Variants in SSX2IP observed in about 807,000 individuals in gnomAD.
SSX2IP encodes the protein afadin- and alpha-actinin-binding protein.
In SSX2IP, 55 loss-of-function variants were observed where a neutral mutation model predicts 84.9. That is an observed-to-expected ratio of 0.65 (90% CI 0.52 to 0.81). The LOEUF (loss-of-function observed/expected upper bound fraction) is 0.81, where lower values mean the gene tolerates loss of function less well. Ranked by LOEUF, SSX2IP falls within the 30% of genes least tolerant of loss-of-function variation. The pLI, the probability that SSX2IP is intolerant of heterozygous loss-of-function variation, is 0.00. For missense variants in SSX2IP, 664 were observed against 705.2 expected, an observed-to-expected ratio of 0.94 and a Z score of 0.66; for synonymous variants, 239 against 234.7, an observed-to-expected ratio of 1.02 and a Z score of -0.17.
chr1:84,649,167 G>T (rs556715664), intron 13 of SSX2IP, among the ~76,000 whole-genome samples: 1 of 152,262 alleles, frequency 6.6e-6, no homozygotes, highest in South Asian at 2.1e-4. Flanking sequence ...AGCAGAGTGG[G>T]ATTATATATG....
chr1:84,665,228 C>T (rs557120710), intron 5 of SSX2IP, among the ~76,000 whole-genome samples: 2 of 152,230 alleles, frequency 1.3e-5, no homozygotes, highest in East Asian at 3.9e-4. Context: ...GTATTCAAAC[C>T]GTTTAAATAT....
intron 11 of SSX2IP, 134 bp from the exon 12 acceptor site, chr1:84,652,131 C>T (rs1557467272): frequency 3.2e-6 from 2 of 623,390 alleles, no homozygotes; most frequent in East Asian, 5.6e-5. Context: ...ATGAGTTAAC[C>T]TAAAAAACTA....
chr1:84,650,804 A>T (rs1483534619), intron 12 of SSX2IP, among the ~76,000 whole-genome samples: 1 of 151,796 alleles, frequency 6.6e-6, no homozygotes, highest in Non-Finnish European at 1.5e-5. Flanking sequence ...TCCTGGGTTC[A>T]CGCCATTCTC....
rs1650047837 is a variant in SSX2IP at position 84,650,415 on chromosome 1, A to G, written c.1617T>C (p.Ala539=). The stretch of plus-strand genomic sequence containing the variant: ...GGCAAAAGTCTGAAGTGGAAGGTGA[A>G]GCAGGAAGAGATTTAGTAAGTTTAG... ...CMSKLTKSLP[A]SPSTSDFCQT... Residue 539 remains alanine (A), a synonymous_variant, in exon 13 of 14, where the codon GCT becomes GCC. Transcript: ENST00000342203. 1.2e-6 allele frequency: 2 copies of G among 1,614,200 alleles called. No individual in the cohort carries two copies. The highest frequency in any genetic ancestry group is 1.7e-6 in the Non-Finnish European group (2 of 1,180,032).
At chr1:84,679,052 C>CTGTTGGGTTAAGAAGATAAAACTAAG (rs1315985225) in intron 1 of SSX2IP, among the ~76,000 whole-genome samples, 2 of 152,194 alleles carry the variant, frequency 1.3e-5, no homozygotes, top group South Asian at 4.1e-4. Flanking sequence ...AGTTACCACA[C>CTGTTGGGTTAAGAAGATAAAACTAAG]TGTTGGGTTA....
chr1:84,662,301 G>C lies in SSX2IP; in HGVS notation c.824C>G (p.Ala275Gly). 1 of 1,607,838 alleles carries C rather than the reference G, an allele frequency of 6.2e-7. No homozygotes were observed. Among genetic ancestry groups the C allele is most frequent in the Non-Finnish European group, 8.5e-7 (1 of 1,175,982 alleles). The change falls in exon 8 of 14, where the codon GCA (alanine) becomes GGA (glycine). Residue 275 changes from alanine (A) to glycine (G), a missense_variant. Physicochemically the swap from Ala to Gly is moderately conservative, Grantham distance 60. Transcript: ENST00000342203. ...TTGTTGAAGAACCTTCTTAAGTTCT[G>C]CATTTTCCATTAGGATTTGTTTCTG... ...YRQKQILMEN[A>G]ELKKVLQQMK... is the part of the protein sequence containing the mutation.
chr1:84,655,646 C>A, intron 11 of SSX2IP, 186 bp downstream of exon 11: 1 of 1,512,620 alleles, frequency 6.6e-7, no homozygotes, highest in Non-Finnish European at 8.8e-7. Flanking sequence ...ATTCTCAAAT[C>A]TGGTAAGGGG....
At position 84,666,380 on chromosome 1, in the gene SSX2IP, G is replaced by C. The variant is rs1652781348; in HGVS notation, c.427-148C>G. 3.8e-5 allele frequency: 23 copies of C among 613,294 alleles called. 1 individual carries two copies. The South Asian group carries it at 4.6e-4, about 12-fold the overall frequency. The allele number at this position is 613,294 out of a possible 1,614,324, so 38.0% of individuals were successfully genotyped here. ...TGGCACATGAAATGTTTATTTAAAG[G>C]AATTATTACAAAGCACACTATAAAA... On this transcript the variant is annotated intron_variant, in intron 4 of 13. Transcript: ENST00000342203.
chr1:84,661,577 A>G (rs1341493177), intron 8 of SSX2IP, among the ~76,000 whole-genome samples: 1 of 152,120 alleles, frequency 6.6e-6, no homozygotes, highest in Non-Finnish European at 1.5e-5. Context: ...GTCTTTCCCA[A>G]AAAGAGCTTC....
chr1:84,685,505 A>C (rs1472662426), intron 1 of SSX2IP, among the ~76,000 whole-genome samples: 2 of 152,252 alleles, frequency 1.3e-5, no homozygotes, highest in Non-Finnish European at 2.9e-5. Context: ...CCTAGGAAGG[A>C]GTAAAGATAG....
In SSX2IP at chr1:84,669,669, T is replaced by G. The variant is rs1015618410; in HGVS notation, c.426+12A>C. 3.7e-6 allele frequency: 6 copies of G among 1,604,790 alleles called. No homozygotes were observed. In the African/African-American group the frequency reaches 6.7e-5, roughly 18 times the overall value. On this transcript the variant is annotated intron_variant, in intron 4 of 13. Transcript: ENST00000342203. ...TAATTATGGCATTAAAATATGGATCTGCAATTTCTACCTTAAGTTTTGAGT... is the reference window on the plus strand; with the variant it reads ...TAATTATGGCATTAAAATATGGATCGGCAATTTCTACCTTAAGTTTTGAGT...
At chr1:84,686,191 A>AT (rs1007209265) in intron 1 of SSX2IP, among the ~76,000 whole-genome samples, 75 of 152,292 alleles carry the variant, frequency 4.9e-4, no homozygotes, top group African/African-American at 1.7e-3. Context: ...AATTTTTAAA[A>AT]TTTTTTTACA....
At chr1:84,662,622 G>C (rs11164033) in intron 6 of SSX2IP, 92 bp from the exon 7 acceptor site, 842,145 of 1,374,584 alleles carry the variant, frequency 0.61, 263,885 homozygotes, top group East Asian at 0.75. Context: ...TGGTGAAAGT[G>C]AACCTGGTAT....
At position 84,647,588 on chromosome 1, in the gene SSX2IP, T is replaced by C; in HGVS notation, c.1690A>G (p.Ile564Val). ...TTTGGTTTAATTTCTTCAGCAGTTATATTCAGTACATTGATTGAACTGTTG... is the reference window on the plus strand; with the variant it reads ...TTTGGTTTAATTTCTTCAGCAGTTACATTCAGTACATTGATTGAACTGTTG... ...SEHSSINVLN[I>V]TAEEIKPNQV... The change falls in exon 14 of 14, where the codon ATA (isoleucine) becomes GTA (valine). Residue 564 changes from isoleucine (I) to valine (V), a missense_variant. Ile to Val is a conservative substitution (Grantham distance 29). Transcript: ENST00000342203. The C allele has an allele frequency of 8.1e-6, 13 of 1,605,796 alleles. No individual in the cohort carries two copies. The highest frequency in any genetic ancestry group is 1.1e-5 in the Non-Finnish European group (13 of 1,175,506).
At position 84,662,507 on chromosome 1, in the gene SSX2IP, C is replaced by T. The variant is rs1373293345; in HGVS notation, c.697G>A (p.Gly233Arg). 7 of 1,613,754 alleles carry T rather than the reference C, an allele frequency of 4.3e-6. No individual in the cohort carries two copies. The highest frequency in any genetic ancestry group is 1.1e-5 in the South Asian group (1 of 91,066). ...GAGCCTCTTTTTCCATCAGCTCTCC[C>T]GACATAATTCAAAATGTCCATAGCT... ...KIAMDILNYV[G>R]RADGKRGSWR... Residue 233 changes from glycine (G) to arginine (R), a missense_variant, in exon 7 of 14, where the codon GGG (glycine) becomes AGG (arginine). Gly to Arg is a moderately radical substitution (Grantham distance 125, BLOSUM62 -2). Transcript: ENST00000342203.
chr1:84,677,961 T>C (rs765698699), intron 1 of SSX2IP, among the ~76,000 whole-genome samples: 1 of 152,220 alleles, frequency 6.6e-6, no homozygotes, highest in Non-Finnish European at 1.5e-5. Flanking sequence ...TTAAAGCTGC[T>C]AAATTTCGGA....
chr1:84,676,804 T>C (rs6685633), intron 1 of SSX2IP, among the ~76,000 whole-genome samples: 30,393 of 144,078 alleles, frequency 0.21, 3,560 homozygotes, highest in African/African-American at 0.33. Flanking sequence ...CTCAATGCTA[T>C]CTCAGCCTCC....
chr1:84,651,706 C>A (rs533248187), intron 12 of SSX2IP, among the ~76,000 whole-genome samples, 177 bp downstream of exon 12: 5 of 151,514 alleles, frequency 3.3e-5, no homozygotes, highest in Non-Finnish European at 5.9e-5. Context: ...CCAACCTGGG[C>A]GACAGAGCAA....
chr1:84,660,637 T>A (rs1463234045), intron 8 of SSX2IP, among the ~76,000 whole-genome samples: 4 of 151,790 alleles, frequency 2.6e-5, no homozygotes, highest in African/African-American at 9.7e-5. Flanking sequence ...TGGTGGTGCA[T>A]GCCTGTAATC....
Sources: gnomAD v4.1 joint callset for allele counts (sites outside exome capture counted in the v4.1 genomes callset) on GRCh38, gnomAD v4.1.1 for gene constraint, MANE v1.5 for transcripts, NCBI Gene and HGNC (gene_info 2026-07-23, HGNC 2026-07-21) for gene names.